The following PPP1R8 variants were observed in gnomAD, a reference collection of about 807,000 sequenced individuals.
PPP1R8 encodes protein phosphatase 1 regulatory subunit 8.
Under a neutral mutation model 31.3 loss-of-function variants are expected in PPP1R8, and 4 were observed. The observed-to-expected ratio is 0.13, with a 90% CI of 0.06 to 0.29. The LOEUF is 0.29. Ranked by LOEUF, PPP1R8 falls within the 10% of genes least tolerant of loss-of-function variation. The pLI is 1.00. For synonymous variants in PPP1R8, 170 were observed against 169.7 expected (o/e 1.00, Z -0.01); for missense variants, 254 against 440.1 (o/e 0.58, Z 3.78).
Position 27,841,356 on chromosome 1 carries a change from A to G in PPP1R8, c.492+122A>G. On this transcript the variant is annotated intron_variant, in intron 4 of 6. Transcript: ENST00000311772. ...GCAGGGGGTTCTCTTGAGTCCAGTA[A>G]TGGGCCTTTGGCAATCTGGTGTGGC... is the stretch of plus-strand genomic sequence containing the variant. 6 of 1,021,614 alleles carry G rather than the reference A, an allele frequency of 5.9e-6. 1 individual carries two copies. The South Asian group carries it at 6.5e-5, about 11-fold the overall frequency. 63.3% of individuals were successfully genotyped at this position (1,021,614 alleles called of 1,614,324 possible).
intron 4 of PPP1R8, among the ~76,000 whole-genome samples, chr1:27,842,154 A>G (rs547669923): frequency 2.2e-4 from 33 of 152,306 alleles, no homozygotes; most frequent in East Asian, 1.3e-3. Flanking sequence ...CAGCCTGGCC[A>G]ACATGGAGAA....
chr1:27,831,509 T>A, intron 1 of PPP1R8: 1 of 336,152 alleles, frequency 3.0e-6, no homozygotes, highest in Non-Finnish European at 4.2e-6. Context: ...TTGAGTAGGG[T>A]ACAAGTTGAA....
At chr1:27,848,851 A>C (rs2089311301) in intron 6 of PPP1R8, among the ~76,000 whole-genome samples, 1 of 152,186 alleles carries the variant, frequency 6.6e-6, no homozygotes. Context: ...GTATAGTTTT[A>C]TGTCAATTTT....
At position 27,832,823 on chromosome 1, in the gene PPP1R8, A is replaced by C. The variant is rs1283065952; in HGVS notation, c.117+7A>C. ...AGGAGACAAACTAATTGAGGTATGG[A>C]AATACATGTCTTACTTTTTTGGCTG... is the stretch of plus-strand genomic sequence containing the variant. On this transcript the variant is annotated splice_region_variant and intron_variant, in intron 2 of 6. Coordinates refer to ENST00000311772, the MANE Select transcript of PPP1R8 (RefSeq NM_014110.5). 1 of 1,603,764 alleles carries C rather than the reference A, an allele frequency of 6.2e-7. No homozygotes were observed. Among genetic ancestry groups the C allele is most frequent in the African/African-American group, 1.3e-5 (1 of 74,636 alleles).
At chr1:27,839,172 A>G (rs1222414786) in intron 3 of PPP1R8, among the ~76,000 whole-genome samples, 3 of 152,092 alleles carry the variant, frequency 2.0e-5, no homozygotes, top group African/African-American at 4.8e-5. Flanking sequence ...GCAGTGAGCT[A>G]TGATCACACC....
At chr1:27,838,990 T>C in intron 3 of PPP1R8, 138 bp downstream of exon 3, 1 of 947,342 alleles carries the variant, frequency 1.1e-6, no homozygotes, top group Non-Finnish European at 1.5e-6. Flanking sequence ...ATTTCTGTGA[T>C]TTTTCTATTT....
intron 4 of PPP1R8, among the ~76,000 whole-genome samples, chr1:27,842,054 A>G (rs1472474314): frequency 6.6e-6 from 1 of 152,158 alleles, no homozygotes; most frequent in African/African-American, 2.4e-5. Context: ...AAATTGTACA[A>G]CTTAGGCCGG....
chr1:27,831,303 C>T, intron 1 of PPP1R8: 1 of 1,000,740 alleles, frequency 1.0e-6, no homozygotes. Context: ...CCAAGCCCCG[C>T]ATCCCTCTGT....
intron 2 of PPP1R8, among the ~76,000 whole-genome samples, chr1:27,837,223 A>G (rs1031490195): frequency 2.6e-5 from 4 of 152,176 alleles, no homozygotes; most frequent in East Asian, 1.9e-4. Flanking sequence ...TGAGGTCAGG[A>G]GATCAAGACC....
chr1:27,850,523 G>A lies in PPP1R8; in HGVS notation c.*77G>A. The A allele has an allele frequency of 1.5e-6, 2 of 1,317,070 alleles. No homozygotes were observed. Among genetic ancestry groups the A allele is most frequent in the South Asian group, 1.5e-5 (1 of 68,798 alleles). The allele number at this position is 1,317,070 out of a possible 1,614,324, so 81.6% of individuals were successfully genotyped here. On this transcript the variant is annotated 3_prime_UTR_variant, in exon 7 of 7. Transcript: ENST00000311772. ...TGATGGGGAGCTAATGAACTAGGGA[G>A]AAAAACTTTCCATGTGTGCGGTATC...
chr1:27,833,553 G>A (rs2089132648), intron 2 of PPP1R8, among the ~76,000 whole-genome samples: 1 of 152,158 alleles, frequency 6.6e-6, no homozygotes, highest in African/African-American at 2.4e-5. Flanking sequence ...CTATTAGTTT[G>A]CGTAAATTTT....
At chr1:27,849,070 T>G (rs1315702304) in intron 6 of PPP1R8, among the ~76,000 whole-genome samples, 1 of 152,092 alleles carries the variant, frequency 6.6e-6, no homozygotes, top group Admixed American at 6.6e-5. Flanking sequence ...CTCAGATTAA[T>G]GTTTAAAAAT....
chr1:27,845,466 T>C (rs1484306010), intron 5 of PPP1R8, among the ~76,000 whole-genome samples: 1 of 151,770 alleles, frequency 6.6e-6, no homozygotes, highest in Non-Finnish European at 1.5e-5. Flanking sequence ...TATAGCATAG[T>C]GGTTAAGAGC....
chr1:27,843,124 A>C, intron 4 of PPP1R8, 62 bp from the exon 5 acceptor site: 1 of 1,595,550 alleles, frequency 6.3e-7, no homozygotes, highest in Non-Finnish European at 8.6e-7. Flanking sequence ...ATTTAGTATG[A>C]TTTTCTCCAT....
At chr1:27,840,504 A>G (rs2089212468) in intron 3 of PPP1R8, among the ~76,000 whole-genome samples, 1 of 152,170 alleles carries the variant, frequency 6.6e-6, no homozygotes, top group African/African-American at 2.4e-5. Context: ...TGTCCTGGGG[A>G]AAACCTAAGC....
chr1:27,831,188 GCCCAACTCTT>G, intron 1 of PPP1R8: 1 of 1,177,724 alleles, frequency 8.5e-7, no homozygotes, highest in Non-Finnish European at 1.1e-6. Flanking sequence ...CCGAACTTAC[GCCCAACTCTT>G]GACTGAGTGC....
In PPP1R8 at chr1:27,838,870, A is replaced by G. The variant is rs1261342093; in HGVS notation, c.271+18A>G. The G allele has an allele frequency of 1.3e-6, 2 of 1,546,850 alleles. No homozygotes were observed. The highest frequency in any genetic ancestry group is 2.0e-5 in the Admixed American group (1 of 49,008). On this transcript the variant is annotated intron_variant, in intron 3 of 6. Transcript: ENST00000311772. ...CAACAGTAGTAAGTAACTCCCTCCC[A>G]ATTCACATGTTACCTTTAGGCAATA...
intron 6 of PPP1R8, among the ~76,000 whole-genome samples, chr1:27,849,371 C>CAA (rs544902286): frequency 1.4e-4 from 11 of 77,420 alleles, no homozygotes; most frequent in Non-Finnish European, 2.1e-4. Context: ...AACTCTGTCT[C>CAA]AAAAAAAAAA....
chr1:27,844,822 A>G (rs1389993202), intron 5 of PPP1R8, among the ~76,000 whole-genome samples: 18 of 118,172 alleles, frequency 1.5e-4, no homozygotes, highest in Non-Finnish European at 2.5e-4. Flanking sequence ...GGTTCACGCC[A>G]TTTTCCTGCC....
Sources: allele counts gnomAD v4.1 joint callset (sites outside exome capture counted in the v4.1 genomes callset), GRCh38; gene constraint gnomAD v4.1.1; transcripts MANE v1.5; gene names NCBI Gene and HGNC (gene_info 2026-07-23, HGNC 2026-07-21).